TIMP3: variants seen among roughly 807,000 people sequenced by gnomAD.
TIMP3 encodes TIMP metallopeptidase inhibitor 3, also known as metalloproteinase inhibitor 3.
In TIMP3, 11 loss-of-function variants were observed where a neutral mutation model predicts 30.0. That is an observed-to-expected ratio of 0.37 (90% CI 0.23 to 0.61). The LOEUF (loss-of-function observed/expected upper bound fraction) is 0.61, where lower values mean the gene tolerates loss of function less well. Ranked by LOEUF, TIMP3 falls within the 20% of genes least tolerant of loss-of-function variation. The probability of loss-of-function intolerance (pLI) is 0.70; values close to 1 mark genes in which losing one functional copy is unlikely to be tolerated. For synonymous variants in TIMP3, 112 were observed against 111.3 expected (o/e 1.01, Z -0.04); for missense variants, 181 against 276.8 (o/e 0.65, Z 2.45).
chr22:32,853,874 TAAGTAACTTTCC>T (rs1210338543), intron 2 of TIMP3, among the ~76,000 whole-genome samples: 1 of 152,224 alleles, frequency 6.6e-6, no homozygotes, highest in Non-Finnish European at 1.5e-5. Flanking sequence ...CCAAAGAGGT[TAAGTAACTTTCC>T]AAGTGGCGAA....
intron 2 of TIMP3, among the ~76,000 whole-genome samples, chr22:32,850,404 G>A (rs915183171): frequency 6.6e-6 from 1 of 152,056 alleles, no homozygotes; most frequent in Non-Finnish European, 1.5e-5. Flanking sequence ...CATGTTACTT[G>A]TAAGGAGGAG....
chr22:32,832,721 A>G (rs1255816170), intron 1 of TIMP3, among the ~76,000 whole-genome samples: 1 of 151,524 alleles, frequency 6.6e-6, no homozygotes, highest in East Asian at 1.9e-4. Context: ...ACTTAACATG[A>G]GATATACTCG....
Position 32,861,918 on chromosome 22 carries a change from TA to T in TIMP3, c.*2543del, listed in dbSNP as rs1324639515. 1.3e-5 allele frequency: 2 copies of T among 152,588 alleles called. No individual in the cohort carries two copies. Among genetic ancestry groups the T allele is most frequent in the African/African-American group, 4.8e-5 (2 of 41,428 alleles). The allele number at this position is 152,588 out of a possible 1,614,324, so 9.5% of individuals were successfully genotyped here. A position where few individuals can be genotyped will look rare whatever the true frequency, so the allele number is the denominator to read the frequency against. On this transcript the variant is annotated 3_prime_UTR_variant, in exon 5 of 5. Coordinates refer to ENST00000266085, the MANE Select transcript of TIMP3 (RefSeq NM_000362.5). ...GGCTGTAATATGTGTACATTGTGTT[TA>T]AGAGAAAAATGAAACCCACATGCCG...
chr22:32,853,316 C>T (rs546000256), intron 2 of TIMP3, among the ~76,000 whole-genome samples: 7 of 152,256 alleles, frequency 4.6e-5, no homozygotes, highest in South Asian at 2.1e-4. Context: ...CGTGATAGCT[C>T]GGTCGGTCTG....
intron 1 of TIMP3, 139 bp downstream of exon 1, chr22:32,802,261 C>A: frequency 7.6e-7 from 1 of 1,310,848 alleles, no homozygotes; most frequent in Admixed American, 2.6e-5. Flanking sequence ...TGGAGAAACT[C>A]GATGTCCTTG....
At chr22:32,814,189 GA>G in intron 1 of TIMP3, among the ~76,000 whole-genome samples, 1 of 91,362 alleles carries the variant, frequency 1.1e-5, no homozygotes. Flanking sequence ...AGAAAAGAAA[GA>G]AAGAAAGAAA....
At chr22:32,822,506 C>T (rs1189386873) in intron 1 of TIMP3, among the ~76,000 whole-genome samples, 1 of 152,226 alleles carries the variant, frequency 6.6e-6, no homozygotes, top group East Asian at 1.9e-4. Flanking sequence ...TCGAAAGCCT[C>T]AAACATGTGC....
At position 32,840,695 on chromosome 22, in the gene TIMP3, C is replaced by A. The variant is rs185561234; in HGVS notation, c.122-8757C>A. Among the ~76,000 whole-genome samples, 322 of 152,240 alleles carry A rather than the reference C, an allele frequency of 2.1e-3. 1 individual carries two copies. Among genetic ancestry groups the A allele is most frequent in the African/African-American group, 7.5e-3 (312 of 41,548 alleles). On this transcript the variant is annotated intron_variant, in intron 1 of 4. Transcript: ENST00000266085. ...GACTTCTTCCTCCTCTGGATTCAGACGCAGCAAACTGAGTCTCTTCTGCAG... is the reference window on the plus strand; with the variant it reads ...GACTTCTTCCTCCTCTGGATTCAGAAGCAGCAAACTGAGTCTCTTCTGCAG...
At chr22:32,825,531 C>T (rs1341257189) in intron 1 of TIMP3, among the ~76,000 whole-genome samples, 6 of 151,286 alleles carry the variant, frequency 4.0e-5, no homozygotes, top group Admixed American at 6.6e-5. Context: ...TGGTGGCGGG[C>T]GCCTGTAATC....
chr22:32,857,195 A>G, intron 2 of TIMP3, 54 bp from the exon 3 acceptor site: 1 of 1,358,940 alleles, frequency 7.4e-7, no homozygotes, highest in Non-Finnish European at 1.1e-6. Flanking sequence ...ATTAGGGATC[A>G]TACGGGTGTC....
chr22:32,826,164 C>T (rs1401449322), intron 1 of TIMP3, among the ~76,000 whole-genome samples: 2 of 152,130 alleles, frequency 1.3e-5, no homozygotes, highest in African/African-American at 2.4e-5. Flanking sequence ...TGTGGTGGCT[C>T]ACGCCTGTAA....
At chr22:32,834,793 C>T (rs569183547) in intron 1 of TIMP3, among the ~76,000 whole-genome samples, 20 of 152,224 alleles carry the variant, frequency 1.3e-4, no homozygotes, top group Admixed American at 4.6e-4. Flanking sequence ...AGGGTACCAT[C>T]CTGGCACCTG....
In TIMP3 at chr22:32,846,990, T is replaced by C. The variant is rs2048082929; in HGVS notation, c.122-2462T>C. Among the ~76,000 whole-genome samples, 2 of 152,224 alleles carry C rather than the reference T, an allele frequency of 1.3e-5. 1 individual carries two copies. The highest frequency in any genetic ancestry group is 4.1e-4 in the South Asian group (2 of 4,832). On this transcript the variant is annotated intron_variant, in intron 1 of 4. Transcript: ENST00000266085. ...AGTACTCAGCTTTATGGGGCAGGTC[T>C]GCTTGTGACATCTTCTGTCTAAATC...
At chr22:32,843,607 C>T (rs1301300649) in intron 1 of TIMP3, among the ~76,000 whole-genome samples, 1 of 152,158 alleles carries the variant, frequency 6.6e-6, no homozygotes, top group East Asian at 1.9e-4. Context: ...ACAGGGATCC[C>T]TCTTTCCTCC....
Position 32,859,522 on chromosome 22 carries a change from G to C in TIMP3, c.*145G>C, listed in dbSNP as rs2048477553. 9.7e-7 allele frequency: 1 copy of C among 1,031,398 alleles called. No homozygotes were observed. The highest frequency in any genetic ancestry group is 1.4e-6 in the Non-Finnish European group (1 of 722,260). 63.9% of individuals were successfully genotyped at this position (1,031,398 alleles called of 1,614,324 possible). A position where few individuals can be genotyped will look rare whatever the true frequency, so the allele number is the denominator to read the frequency against. ...GAACATTTAAAGAAAGGTCTATGCT[G>C]TCATATGGGGTTTATTGGGAACTAT... is the stretch of plus-strand genomic sequence containing the variant. On this transcript the variant is annotated 3_prime_UTR_variant, in exon 5 of 5. Transcript: ENST00000266085.
chr22:32,803,334 G>A lies in TIMP3; in HGVS notation c.121+1212G>A, dbSNP rs752036921. On this transcript the variant is annotated intron_variant, in intron 1 of 4. Transcript: ENST00000266085. ...CTACCAGCGTGTTGTGGTGAGGAGG[G>A]GGAGGAGGTAGGAGCTTGGCAGGGG... 2.6e-5 allele frequency among the ~76,000 whole-genome samples: 4 copies of A among 152,054 alleles called. No homozygotes were observed. The East Asian group carries it at 7.7e-4, about 29-fold the overall frequency.
Position 32,857,275 on chromosome 22 carries a change from C to G in TIMP3, c.231C>G (p.Pro77=), listed in dbSNP as rs2048396503. The change falls in exon 3 of 5, where the codon CCC becomes CCG. Residue 77 remains proline, a synonymous_variant. Coordinates refer to ENST00000266085, the MANE Select transcript of TIMP3 (RefSeq NM_000362.5). ...MKMYRGFTKM[P]HVQYIHTEAS... The stretch of plus-strand genomic sequence containing the variant: ...TGTACCGAGGCTTCACCAAGATGCC[C>G]CATGTGCAGTACATCCATACGGAAG... 1 of 1,614,068 alleles carries G rather than the reference C, an allele frequency of 6.2e-7. No homozygotes were observed. The highest frequency in any genetic ancestry group is 8.5e-7 in the Non-Finnish European group (1 of 1,179,994).
intron 1 of TIMP3, among the ~76,000 whole-genome samples, chr22:32,826,244 C>T (rs2047408489): frequency 6.6e-6 from 1 of 152,110 alleles, no homozygotes; most frequent in African/African-American, 2.4e-5. Context: ...GGCTGGTCAA[C>T]ATGGTGAAAC....
intron 2 of TIMP3, among the ~76,000 whole-genome samples, chr22:32,854,384 C>T (rs185518743): frequency 6.6e-6 from 1 of 152,186 alleles, no homozygotes; most frequent in African/African-American, 2.4e-5. Flanking sequence ...TTCAAATGAC[C>T]AGACTGTAAC....
Sources: gnomAD v4.1 joint callset for allele counts (sites outside exome capture counted in the v4.1 genomes callset) on GRCh38, gnomAD v4.1.1 for gene constraint, MANE v1.5 for transcripts, NCBI Gene and HGNC (gene_info 2026-07-23, HGNC 2026-07-21) for gene names.